Variants in MITF observed in about 807,000 individuals in gnomAD.
The protein encoded by MITF is microphthalmia-associated transcription factor.
MITF carries 17 observed loss-of-function variants against 60.5 expected under a neutral mutation model. The observed-to-expected ratio is 0.28, with a 90% confidence interval of 0.19 to 0.42. The LOEUF (loss-of-function observed/expected upper bound fraction) is 0.42. Ranked by LOEUF, MITF falls within the 10% of genes least tolerant of loss-of-function variation. MITF has a pLI of 1.00. For synonymous variants in MITF, 260 were observed against 248.5 expected (o/e 1.05, Z -0.43); for missense variants, 622 against 683.5 (o/e 0.91, Z 1.00).
chr3:69,906,019 T>C (rs1450008828), intron 2 of MITF, among the ~76,000 whole-genome samples: 2 of 152,186 alleles, frequency 1.3e-5, no homozygotes, highest in African/African-American at 4.8e-5. Context: ...AATCATACTT[T>C]TAATGTCATA....
intron 2 of MITF, among the ~76,000 whole-genome samples, chr3:69,897,725 T>C (rs887129449): frequency 6.6e-6 from 1 of 152,140 alleles, no homozygotes. Context: ...TCTTCGAGAG[T>C]TGGGATCATA....
intron 2 of MITF, among the ~76,000 whole-genome samples, chr3:69,921,106 A>G (rs1297949602): frequency 6.6e-6 from 1 of 152,190 alleles, no homozygotes; most frequent in African/African-American, 2.4e-5. Flanking sequence ...ACCTAACCTC[A>G]GGCAGTCCAT....
rs955422322 is a variant in MITF at position 69,966,682 on chromosome 3, T to C, written c.*1434T>C. The C allele has an allele frequency of 1.3e-5, 3 of 232,944 alleles. No homozygotes were observed. Among genetic ancestry groups the C allele is most frequent in the Non-Finnish European group, 2.5e-5 (3 of 117,674 alleles). The allele number at this position is 232,944 out of a possible 1,614,324, so 14.4% of individuals were successfully genotyped here. A position where few individuals can be genotyped will look rare whatever the true frequency, so the allele number is the denominator to read the frequency against. On this transcript the variant is annotated 3_prime_UTR_variant, in exon 10 of 10. Transcript: ENST00000352241. ...AGTGCATTATCTACTTGTGTAGTCC[T>C]ATGCAATAACAGTAGTGTTACATGT...
intron 1 of MITF, among the ~76,000 whole-genome samples, chr3:69,793,511 C>CCTCTCCCAATGCTCATAGCATGCACA: frequency 1.3e-5 from 2 of 151,954 alleles, no homozygotes; most frequent in Middle Eastern, 3.4e-3. Context: ...TAGCATGCAC[C>CCTCTCCCAATGCTCATAGCATGCACA]CTCTCCCAAT....
At chr3:69,806,069 T>G (rs866948020) in intron 1 of MITF, among the ~76,000 whole-genome samples, 13 of 151,820 alleles carry the variant, frequency 8.6e-5, no homozygotes, top group African/African-American at 3.1e-4. Flanking sequence ...GGGTCCACGG[T>G]ATCTGTTAGC....
chr3:69,808,635 G>C (rs568065250), intron 1 of MITF, among the ~76,000 whole-genome samples: 3 of 152,034 alleles, frequency 2.0e-5, no homozygotes, highest in Non-Finnish European at 2.9e-5. Context: ...TGTGACCAAG[G>C]AATTGCCAGA....
chr3:69,794,082 C>A (rs561606644), intron 1 of MITF, among the ~76,000 whole-genome samples: 1 of 152,138 alleles, frequency 6.6e-6, no homozygotes, highest in Non-Finnish European at 1.5e-5. Context: ...AGGTAGCCAA[C>A]GACCTCTTTC....
rs538829440 is a variant in MITF at position 69,946,682 on chromosome 3, G to A, written c.763-2369G>A. Among the ~76,000 whole-genome samples, 13 of 152,258 alleles carry A rather than the reference G, an allele frequency of 8.5e-5. 1 individual carries two copies. Among genetic ancestry groups the A allele is most frequent in the African/African-American group, 2.4e-4 (10 of 41,560 alleles). Reference sequence around the variant, plus strand: ...ATCAGCAAGTATGGGAAAAGCAGCCGAAGCAGGAAATCTTTCAGAGAAGTA... The same window carrying A: ...ATCAGCAAGTATGGGAAAAGCAGCCAAAGCAGGAAATCTTTCAGAGAAGTA... On this transcript the variant is annotated intron_variant, in intron 5 of 9. Transcript: ENST00000352241.
At chr3:69,880,326 T>C (rs1257343453) in intron 2 of MITF, among the ~76,000 whole-genome samples, 4 of 152,158 alleles carry the variant, frequency 2.6e-5, no homozygotes, top group Admixed American at 6.5e-5. Context: ...AGAGAGATGA[T>C]GTGTTATAAT....
chr3:69,765,205 A>G (rs2062271510), intron 1 of MITF, among the ~76,000 whole-genome samples: 1 of 152,084 alleles, frequency 6.6e-6, no homozygotes, highest in African/African-American at 2.4e-5. Context: ...CTGACTTACT[A>G]TTTTCCCTGG....
At chr3:69,890,453 T>G (rs1383014408) in intron 2 of MITF, among the ~76,000 whole-genome samples, 2 of 152,196 alleles carry the variant, frequency 1.3e-5, no homozygotes, top group Non-Finnish European at 2.9e-5. Flanking sequence ...GAGCATTTAA[T>G]CAATGTTCTT....
intron 1 of MITF, among the ~76,000 whole-genome samples, chr3:69,865,261 C>T (rs1160925038): frequency 6.6e-6 from 1 of 152,114 alleles, no homozygotes; most frequent in Non-Finnish European, 1.5e-5. Context: ...ATTTTCCAAC[C>T]ATTTACTTTG....
chr3:69,747,980 G>T (rs763534077), intron 1 of MITF, among the ~76,000 whole-genome samples: 2 of 152,158 alleles, frequency 1.3e-5, no homozygotes, highest in African/African-American at 2.4e-5. Flanking sequence ...CAAATAACCA[G>T]TGTAGAACTC....
intron 8 of MITF, among the ~76,000 whole-genome samples, chr3:69,958,435 TTCTTCATG>T (rs2066454334): frequency 1.3e-5 from 2 of 152,190 alleles, no homozygotes; most frequent in Non-Finnish European, 2.9e-5. Context: ...TTCTGTGTTG[TTCTTCATG>T]TAACCCAGAT....
chr3:69,934,017 C>G (rs555374910), intron 2 of MITF, among the ~76,000 whole-genome samples: 2 of 152,084 alleles, frequency 1.3e-5, no homozygotes, highest in African/African-American at 4.8e-5. Context: ...TATCTTTCTC[C>G]AGCATCTTCT....
chr3:69,834,836 GTTTTC>G (rs1430493037), intron 1 of MITF, among the ~76,000 whole-genome samples: 2 of 126,302 alleles, frequency 1.6e-5, no homozygotes, highest in African/African-American at 2.9e-5. Context: ...ACTAATACTT[GTTTTC>G]TTTTCTTTTT....
At chr3:69,938,646 G>T in intron 3 of MITF, 1 of 1,334,864 alleles carries the variant, frequency 7.5e-7, no homozygotes, top group Non-Finnish European at 9.6e-7. Context: ...AGGCTGGATT[G>T]GAAACAAGAC....
rs62252170 is a variant in MITF at position 69,820,764 on chromosome 3, C to T, written c.105-58370C>T. 9.6e-3 allele frequency among the ~76,000 whole-genome samples: 1,466 copies of T among 152,170 alleles called. 12 individuals are homozygous for T. Among genetic ancestry groups the T allele is most frequent in the Non-Finnish European group, 0.016 (1,101 of 68,004 alleles). On this transcript the variant is annotated intron_variant, in intron 1 of 9. Transcript: ENST00000352241. ...AGTTTTGCTGCGATGCTGGCCTGCCCAACACTCTGCACTTTGGGCAACATC... is the reference window on the plus strand; with the variant it reads ...AGTTTTGCTGCGATGCTGGCCTGCCTAACACTCTGCACTTTGGGCAACATC...
At chr3:69,789,164 G>T (rs6786207) in intron 1 of MITF, among the ~76,000 whole-genome samples, 77,676 of 152,010 alleles carry the variant, frequency 0.51, 21,481 homozygotes, top group Non-Finnish European at 0.63. Flanking sequence ...AAAATCTTTT[G>T]TGCATCAAAT....
Sources: allele counts gnomAD v4.1 joint callset (sites outside exome capture counted in the v4.1 genomes callset), GRCh38; gene constraint gnomAD v4.1.1; transcripts MANE v1.5; gene names NCBI Gene and HGNC (gene_info 2026-07-23, HGNC 2026-07-21).